Variants in NSUN6 observed in about 807,000 individuals in gnomAD.
NSUN6 encodes NOP2/Sun RNA methyltransferase 6, also known as tRNA (cytosine(72)-C(5))-methyltransferase NSUN6.
A neutral mutation model predicts 58.0 loss-of-function variants in NSUN6; 64 were observed. The observed-to-expected ratio is 1.10, with a 90% CI of 0.90 to 1.36. NSUN6 has a LOEUF of 1.36. Among genes scored for constraint, NSUN6 ranks in the 40% most tolerant of loss-of-function variants. NSUN6 has a pLI of 0.00. For missense variants in NSUN6, 701 were observed against 550.1 expected (o/e 1.27, Z -2.74); for synonymous variants, 231 against 193.9 (o/e 1.19, Z -1.59).
intron 3 of NSUN6, among the ~76,000 whole-genome samples, chr10:18,624,730 TAAAGTAA>T (rs1401575785): frequency 7.9e-6 from 1 of 126,822 alleles, no homozygotes; most frequent in East Asian, 4.6e-4. Flanking sequence ...AAAAAAAAAT[TAAAGTAA>T]CAGGCTTGAG....
intron 8 of NSUN6, among the ~76,000 whole-genome samples, chr10:18,584,241 T>C (rs1446869945): frequency 6.6e-6 from 1 of 152,182 alleles, no homozygotes; most frequent in Admixed American, 6.5e-5. Flanking sequence ...CCAATTAAAC[T>C]GTGTTAGATT....
chr10:18,614,106 T>C (rs2058329253), intron 5 of NSUN6, among the ~76,000 whole-genome samples: 1 of 152,158 alleles, frequency 6.6e-6, no homozygotes, highest in Admixed American at 6.5e-5. Context: ...AAACTTTTTC[T>C]GACAAATAAG....
intron 7 of NSUN6, among the ~76,000 whole-genome samples, chr10:18,593,732 A>T (rs2057466561): frequency 6.6e-6 from 1 of 152,168 alleles, no homozygotes; most frequent in Non-Finnish European, 1.5e-5. Context: ...GGGGAGGGAT[A>T]GCATTAGGAA....
intron 2 of NSUN6, among the ~76,000 whole-genome samples, chr10:18,647,722 CTTGT>C (rs2059586423): frequency 7.7e-6 from 1 of 129,060 alleles, no homozygotes. Flanking sequence ...CGCTCAACAC[CTTGT>C]TTTTTTTTTT....
At chr10:18,549,090 T>C (rs1321295918) in intron 9 of NSUN6, among the ~76,000 whole-genome samples, 1 of 152,164 alleles carries the variant, frequency 6.6e-6, no homozygotes, top group Non-Finnish European at 1.5e-5. Context: ...AAGCAGTCCT[T>C]TTAAGCTTGT....
chr10:18,619,202 T>G (rs887145129), intron 3 of NSUN6, among the ~76,000 whole-genome samples: 3 of 152,230 alleles, frequency 2.0e-5, no homozygotes, highest in African/African-American at 7.2e-5. Flanking sequence ...GTGGTGTCAC[T>G]TAGTTTTTGC....
At chr10:18,602,048 T>A (rs1323908095) in intron 6 of NSUN6, among the ~76,000 whole-genome samples, 2 of 151,830 alleles carry the variant, frequency 1.3e-5, no homozygotes. Flanking sequence ...AATTCCCCCT[T>A]CCTGGTAATG....
At position 18,624,985 on chromosome 10, in the gene NSUN6, C is replaced by T. The variant is rs180964024; in HGVS notation, c.312-8692G>A. The stretch of plus-strand genomic sequence containing the variant: ...GCTACGCAGAGGGTGCCTATGTGAC[C>T]AGCCCAATAAAACCCTTGGGCACCA... On this transcript the variant is annotated intron_variant, in intron 3 of 10. Transcript: ENST00000377304. Among the ~76,000 whole-genome samples, 189 of 152,252 alleles carry T rather than the reference C, an allele frequency of 1.2e-3. 1 individual carries two copies. The highest frequency in any genetic ancestry group is 4.4e-3 in the African/African-American group (184 of 41,550).
At chr10:18,629,190 A>G (rs1484357597) in intron 3 of NSUN6, among the ~76,000 whole-genome samples, 1 of 152,220 alleles carries the variant, frequency 6.6e-6, no homozygotes, top group Non-Finnish European at 1.5e-5. Flanking sequence ...AATCCTTTAC[A>G]GACAAGCAAA....
intron 6 of NSUN6, 55 bp from the exon 7 acceptor site, chr10:18,596,382 G>A (rs181538704): frequency 2.5e-6 from 3 of 1,223,100 alleles, no homozygotes; most frequent in East Asian, 4.7e-5. Flanking sequence ...TTTTTAATTT[G>A]AGAACCAGAG....
At chr10:18,596,070 T>C (rs1045704024) in intron 7 of NSUN6, 138 bp downstream of exon 7, 10 of 663,124 alleles carry the variant, frequency 1.5e-5, no homozygotes, top group Non-Finnish European at 2.4e-5. Flanking sequence ...TAATATGTAG[T>C]GACTGACATA....
intron 8 of NSUN6, among the ~76,000 whole-genome samples, chr10:18,552,703 CATTCT>C (rs1447355377): frequency 6.6e-6 from 1 of 150,622 alleles, no homozygotes; most frequent in East Asian, 2.0e-4. Flanking sequence ...CATTCCATTC[CATTCT>C]GCGTTCCATT....
chr10:18,605,563 G>C (rs2131290597), intron 6 of NSUN6, among the ~76,000 whole-genome samples: 1 of 152,286 alleles, frequency 6.6e-6, no homozygotes, highest in Non-Finnish European at 1.5e-5. Context: ...TCTCCCCACA[G>C]ACTGGTTATT....
chr10:18,652,366 A>G (rs745763354), upstream of NSUN6: 30 of 983,196 alleles, frequency 3.1e-5, no homozygotes, highest in Non-Finnish European at 3.6e-5. Context: ...GCAGCACACC[A>G]TGGTAATTTA....
In NSUN6 at chr10:18,651,574, T is replaced by C. The variant is rs988790323; in HGVS notation, c.-371A>G. 3.0e-6 allele frequency: 3 copies of C among 994,562 alleles called. No individual in the cohort carries two copies. The highest frequency in any genetic ancestry group is 3.6e-6 in the Non-Finnish European group (3 of 836,420). 61.6% of individuals were successfully genotyped at this position (994,562 alleles called of 1,614,324 possible). On this transcript the variant is annotated 5_prime_UTR_variant, in exon 1 of 11. Coordinates refer to ENST00000377304, the MANE Select transcript of NSUN6 (RefSeq NM_182543.5). Reference sequence around the variant, plus strand: ...CCAGGCTGACAGCAGCTCGGTCCCTTTATCTTTTCTATCAATTTCCAAACA... The same window carrying C: ...CCAGGCTGACAGCAGCTCGGTCCCTCTATCTTTTCTATCAATTTCCAAACA...
At chr10:18,594,001 A>T (rs772714604) in intron 7 of NSUN6, among the ~76,000 whole-genome samples, 5 of 151,968 alleles carry the variant, frequency 3.3e-5, no homozygotes, top group African/African-American at 4.8e-5. Flanking sequence ...GGAGTTTGAA[A>T]CCATCCTGGC....
At chr10:18,612,657 G>A (rs1176469172) in intron 5 of NSUN6, among the ~76,000 whole-genome samples, 1 of 152,110 alleles carries the variant, frequency 6.6e-6, no homozygotes, top group African/African-American at 2.4e-5. Context: ...GGTGCTCTTC[G>A]ACTATCTCCT....
chr10:18,577,322 G>A (rs1383121209), intron 8 of NSUN6, among the ~76,000 whole-genome samples: 1 of 152,208 alleles, frequency 6.6e-6, no homozygotes, highest in African/African-American at 2.4e-5. Context: ...TGTCTAATGA[G>A]TTAGCCAACA....
chr10:18,578,165 G>A (rs1474003218), intron 8 of NSUN6, among the ~76,000 whole-genome samples: 6 of 151,730 alleles, frequency 4.0e-5, no homozygotes, highest in South Asian at 2.1e-4. Flanking sequence ...CCTGAGTAAC[G>A]AGCAGCAGCT....
Sources: gnomAD v4.1 joint callset for allele counts (sites outside exome capture counted in the v4.1 genomes callset) on GRCh38, gnomAD v4.1.1 for gene constraint, MANE v1.5 for transcripts, NCBI Gene and HGNC (gene_info 2026-07-23, HGNC 2026-07-21) for gene names.